The following LIN52 variants were observed in gnomAD, a reference collection of about 807,000 sequenced individuals.
The protein encoded by LIN52 is protein lin-52 homolog.
LIN52 carries 4 observed loss-of-function variants against 18.5 expected under a neutral mutation model. That is an observed-to-expected ratio of 0.22 (90% confidence interval 0.11 to 0.49). LIN52 has a LOEUF of 0.49. LIN52 is among the 20% of genes least tolerant of loss of function. The pLI is 0.97. For synonymous variants in LIN52, 34 were observed against 45.5 expected, an observed-to-expected ratio of 0.75 and a Z score of 1.02; for missense variants, 102 against 139.5, an observed-to-expected ratio of 0.73 and a Z score of 1.35.
chr14:74,113,605 G>A (rs540915665), intron 5 of LIN52, among the ~76,000 whole-genome samples: 1 of 152,258 alleles, frequency 6.6e-6, no homozygotes, highest in South Asian at 2.1e-4. Context: ...GCCAGACTGA[G>A]GAGGGCCTTG....
At chr14:74,131,340 CAG>C (rs2061066025) in intron 5 of LIN52, among the ~76,000 whole-genome samples, 1 of 143,638 alleles carries the variant, frequency 7.0e-6, no homozygotes, top group African/African-American at 2.5e-5. Flanking sequence ...TTTTTTGAGA[CAG>C]AGTTTCACTC....
At chr14:74,125,370 T>C (rs2061023207) in intron 5 of LIN52, among the ~76,000 whole-genome samples, 1 of 152,250 alleles carries the variant, frequency 6.6e-6, no homozygotes, top group Non-Finnish European at 1.5e-5. Context: ...TGGCCAGTGA[T>C]GATGAGCATT....
At chr14:74,123,435 G>C (rs1008134317) in intron 5 of LIN52, among the ~76,000 whole-genome samples, 2 of 152,160 alleles carry the variant, frequency 1.3e-5, no homozygotes, top group Non-Finnish European at 2.9e-5. Context: ...GTGTATATAG[G>C]AAGAAGAAGA....
intron 5 of LIN52, among the ~76,000 whole-genome samples, chr14:74,173,892 T>C (rs550559856): frequency 6.6e-6 from 1 of 152,332 alleles, no homozygotes; most frequent in Non-Finnish European, 1.5e-5. Flanking sequence ...TTCTGCCCGT[T>C]CTCTTGCGAG....
intron 5 of LIN52, among the ~76,000 whole-genome samples, chr14:74,176,203 C>T (rs1337445003): frequency 1.3e-5 from 2 of 152,090 alleles, no homozygotes; most frequent in Non-Finnish European, 1.5e-5. Flanking sequence ...TGCTCTGTCA[C>T]CCAGGCTAGA....
chr14:74,201,245 G>A lies in LIN52; in HGVS notation c.*2268G>A, dbSNP rs2078947557. On this transcript the variant is annotated 3_prime_UTR_variant, in exon 6 of 6. Transcript: ENST00000555028. The stretch of plus-strand genomic sequence containing the variant: ...ATATGTCCCTTTTACAGGAGGGTGA[G>A]TTTTTCCTCAGAGGGCCGAGTTGGA... 6.6e-6 allele frequency: 1 copy of A among 152,112 alleles called. No homozygotes were observed. The highest frequency in any genetic ancestry group is 2.4e-5 in the African/African-American group (1 of 41,394). 9.4% of individuals were successfully genotyped at this position (152,112 alleles called of 1,614,324 possible). A position where few individuals can be genotyped will look rare whatever the true frequency, so the allele number is the denominator to read the frequency against.
chr14:74,185,316 T>TC (rs1219045643), intron 5 of LIN52, among the ~76,000 whole-genome samples: 4 of 128,636 alleles, frequency 3.1e-5, no homozygotes, highest in Non-Finnish European at 5.0e-5. Context: ...TTTCTTTTTT[T>TC]TTTTTTTTTT....
chr14:74,127,855 G>A (rs1364655493), intron 5 of LIN52, among the ~76,000 whole-genome samples: 1 of 152,060 alleles, frequency 6.6e-6, no homozygotes, highest in Non-Finnish European at 1.5e-5. Flanking sequence ...GGGATTACAG[G>A]CATGAACCAC....
intron 1 of LIN52, among the ~76,000 whole-genome samples, chr14:74,088,421 C>T (rs1595141828): frequency 6.6e-6 from 1 of 152,140 alleles, no homozygotes; most frequent in African/African-American, 2.4e-5. Context: ...TGGAGTCTCA[C>T]TATGTTGCCC....
intron 5 of LIN52, among the ~76,000 whole-genome samples, chr14:74,141,761 G>A (rs1303624090): frequency 6.6e-6 from 1 of 152,190 alleles, no homozygotes; most frequent in East Asian, 1.9e-4. Context: ...GTCCCAGATA[G>A]GTGGGGAAAA....
intron 5 of LIN52, among the ~76,000 whole-genome samples, chr14:74,184,953 A>T (rs1378883838): frequency 6.6e-6 from 1 of 151,534 alleles, no homozygotes; most frequent in Non-Finnish European, 1.5e-5. Context: ...TCTTTTTAAA[A>T]ATTTTTTCTT....
chr14:74,140,901 T>C (rs1314356296), intron 5 of LIN52, among the ~76,000 whole-genome samples: 1 of 152,186 alleles, frequency 6.6e-6, no homozygotes, highest in African/African-American at 2.4e-5. Context: ...CCTTATTTTT[T>C]TTCTGTTTTG....
At chr14:74,128,400 G>C (rs562563231) in intron 5 of LIN52, among the ~76,000 whole-genome samples, 8 of 152,250 alleles carry the variant, frequency 5.3e-5, no homozygotes, top group Non-Finnish European at 8.8e-5. Flanking sequence ...TCATGTGAGG[G>C]AGCTTCTTGA....
At chr14:74,091,190 G>A (rs931610708) in intron 1 of LIN52, 42 bp from the exon 2 acceptor site, 1 of 1,379,768 alleles carries the variant, frequency 7.2e-7, no homozygotes, top group Non-Finnish European at 1.0e-6. Context: ...ATACATTAAT[G>A]TGTTTCCTGT....
chr14:74,145,397 T>G lies in LIN52; in HGVS notation c.283+44159T>G, dbSNP rs115663940. ...TCTTCATTGCCTGTGAAAATAATCTTAAAGTTATACACTGCCTTCTTCCTT... is the reference window on the plus strand; with the variant it reads ...TCTTCATTGCCTGTGAAAATAATCTGAAAGTTATACACTGCCTTCTTCCTT... On this transcript the variant is annotated intron_variant, in intron 5 of 5. Coordinates refer to ENST00000555028, the MANE Select transcript of LIN52 (RefSeq NM_001024674.3). Among the ~76,000 whole-genome samples the G allele has an allele frequency of 6.6e-3, 998 of 152,322 alleles. 14 individuals carry two copies. Among genetic ancestry groups the G allele is most frequent in the African/African-American group, 0.023 (960 of 41,566 alleles).
intron 5 of LIN52, among the ~76,000 whole-genome samples, chr14:74,171,736 C>CTTTTTTTTTT (rs534860812): frequency 8.2e-6 from 1 of 122,698 alleles, no homozygotes; most frequent in Non-Finnish European, 1.6e-5. Flanking sequence ...TATTTTAATT[C>CTTTTTTTTTT]TTTTTTTTTT....
At chr14:74,127,765 T>TG (rs1341757127) in intron 5 of LIN52, among the ~76,000 whole-genome samples, 1 of 151,994 alleles carries the variant, frequency 6.6e-6, no homozygotes, top group East Asian at 1.9e-4. Flanking sequence ...TTTTTTGAGA[T>TG]GGGGTCTTGC....
At chr14:74,115,115 A>G (rs994590597) in intron 5 of LIN52, among the ~76,000 whole-genome samples, 1 of 152,252 alleles carries the variant, frequency 6.6e-6, no homozygotes, top group Admixed American at 6.5e-5. Flanking sequence ...AATAAGCGAC[A>G]TTGGATTATA....
intron 5 of LIN52, among the ~76,000 whole-genome samples, chr14:74,197,310 C>A (rs1052342907): frequency 6.6e-6 from 1 of 152,250 alleles, no homozygotes; most frequent in African/African-American, 2.4e-5. Context: ...CTTCGCAGTG[C>A]AGCAGAGCAA....
Sources: gnomAD v4.1 joint callset for allele counts (sites outside exome capture counted in the v4.1 genomes callset) on GRCh38, gnomAD v4.1.1 for gene constraint, MANE v1.5 for transcripts, NCBI Gene and HGNC (gene_info 2026-07-23, HGNC 2026-07-21) for gene names.